The following SNRNP200 variants were observed in gnomAD, a reference collection of about 807,000 sequenced individuals.
SNRNP200 encodes small nuclear ribonucleoprotein U5 subunit 200, also known as U5 small nuclear ribonucleoprotein 200 kDa helicase.
A neutral mutation model predicts 255.2 loss-of-function variants in SNRNP200; 66 were observed. The observed-to-expected ratio is 0.26, with a 90% CI of 0.21 to 0.32. SNRNP200 has a LOEUF of 0.32. Ranked by LOEUF, SNRNP200 falls within the 10% of genes least tolerant of loss-of-function variation. The probability of loss-of-function intolerance (pLI) is 1.00; values close to 1 mark genes in which losing one functional copy is unlikely to be tolerated. For synonymous variants in SNRNP200, 939 were observed against 1,027.8 expected (o/e 0.91, Z 1.65); for missense variants, 1,585 against 2,749.8 (o/e 0.58, Z 9.47).
intron 34 of SNRNP200, 112 bp from the exon 35 acceptor site, chr2:96,282,034 G>T: frequency 2.6e-6 from 2 of 774,336 alleles, no homozygotes. Context: ...AGAACTCACA[G>T]CAAGGCTGGC....
chr2:96,296,387 G>C, intron 13 of SNRNP200, 149 bp downstream of exon 13: 1 of 804,408 alleles, frequency 1.2e-6, no homozygotes, highest in Non-Finnish European at 2.0e-6. Context: ...TTCCATCTTG[G>C]AAATGGGGAG....
chr2:96,295,424 G>T, intron 14 of SNRNP200, 64 bp downstream of exon 14: 1 of 1,595,504 alleles, frequency 6.3e-7, no homozygotes. Flanking sequence ...CATTTCGCAT[G>T]AAAACCCAGC....
Position 96,290,723 on chromosome 2 carries a change from C to G in SNRNP200, c.2514G>C (p.Lys838Asn), listed in dbSNP as rs749484510. Residue 838 changes from lysine to asparagine, a missense_variant, in exon 19 of 45, where the codon AAG becomes AAC. Lys to Asn is a moderately conservative substitution (Grantham distance 94, BLOSUM62 0). Transcript: ENST00000323853. This position sits in a 1 kb window ranked among gnomAD's most constrained non-coding sequence, Gnocchi z 4.5. Reference protein sequence around the residue: ...IKGTQVYSPEKGRWTELGALD... With the variant: ...IKGTQVYSPENGRWTELGALD... ...GTGCTCCCAGTTCTGTCCAACGCCC[C>G]TTCTCTGGACTGTACACCTGGGTGC... is the stretch of plus-strand genomic sequence containing the variant. 2.5e-6 allele frequency: 4 copies of G among 1,614,234 alleles called. No individual in the cohort carries two copies. In the East Asian group the frequency reaches 6.7e-5, roughly 27 times the overall value.
In SNRNP200 at chr2:96,286,917, G is replaced by A. The variant is rs765125051; in HGVS notation, c.3640-40C>T. On this transcript the variant is annotated intron_variant, in intron 27 of 44. Transcript: ENST00000323853. The surrounding 1 kb of genome is among the most constrained non-coding windows in gnomAD (Gnocchi z 4.8). ...AAGGGTAAAAGGAATGTGAGTCAAC[G>A]TAGACTGAGTGCCTCCAATCCATCT... 1.4e-5 allele frequency: 23 copies of A among 1,613,870 alleles called. No individual in the cohort carries two copies. Among genetic ancestry groups the A allele is most frequent in the Middle Eastern group, 1.6e-4 (1 of 6,084 alleles).
chr2:96,277,542 G>A lies in SNRNP200; in HGVS notation c.5928C>T (p.Asp1976=), dbSNP rs375605079. The A allele has an allele frequency of 1.7e-5, 28 of 1,612,440 alleles. No homozygotes were observed. In the African/African-American group the frequency reaches 2.8e-4, roughly 16 times the overall value. The change falls in exon 41 of 45, where the codon GAC becomes GAT. Residue 1976 remains aspartate (D), a synonymous_variant. Coordinates refer to ENST00000323853, the MANE Select transcript of SNRNP200 (RefSeq NM_014014.5). This position sits in a 1 kb window ranked among gnomAD's most constrained non-coding sequence, Gnocchi z 4.4. ...FTSEHIKRCT[D]KGVESVFDIM... Reference sequence around the variant, plus strand: ...CCTCTAGGCTGACCCGGCTCACCTTGTCTGTGCAACGTTTGATATGCTCAG... The same window carrying A: ...CCTCTAGGCTGACCCGGCTCACCTTATCTGTGCAACGTTTGATATGCTCAG...
At position 96,281,881 on chromosome 2, in the gene SNRNP200, C is replaced by A. The variant is rs1309805003; in HGVS notation, c.4957G>T (p.Gly1653Cys). 1.2e-6 allele frequency: 2 copies of A among 1,614,126 alleles called. No individual in the cohort carries two copies. Among genetic ancestry groups the A allele is most frequent in the Non-Finnish European group, 1.7e-6 (2 of 1,180,014 alleles). Residue 1653 changes from glycine (G) to cysteine (C), a missense_variant, in exon 35 of 45, where the codon GGC becomes TGC. Physicochemically the swap from Gly to Cys is radical, Grantham distance 159. Transcript: ENST00000323853. ...VVVASRSLCW[G>C]MNVAAHLVII... is the part of the protein sequence containing the mutation. The stretch of plus-strand genomic sequence containing the variant: ...ACCAGGTGGGCAGCCACGTTCATGC[C>A]CCAGCAGAGACTCCGAGAAGCCACC...
chr2:96,287,527 G>A lies in SNRNP200; in HGVS notation c.3396C>T (p.Phe1132=). The part of the protein sequence containing the change: ...MWQSMCPLRQ[F]RKLPEEVVKK... ...TCACTACTTCCTCAGGGAGTTTCCG[G>A]AACTGGCGCAGAGGACACATGGACT... Residue 1132 remains phenylalanine, a synonymous_variant, in exon 26 of 45, where the codon TTC becomes TTT. Transcript: ENST00000323853. The surrounding 1 kb of genome is among the most constrained non-coding windows in gnomAD (Gnocchi z 5.7). 6.2e-7 allele frequency: 1 copy of A among 1,614,170 alleles called. No individual in the cohort carries two copies. The highest frequency in any genetic ancestry group is 8.5e-7 in the Non-Finnish European group (1 of 1,179,998).
intron 43 of SNRNP200, 30 bp downstream of exon 43, chr2:96,276,874 C>T: frequency 6.2e-7 from 1 of 1,611,552 alleles, no homozygotes; most frequent in Non-Finnish European, 8.5e-7. Context: ...GGTGAGTTGA[C>T]ACCTGACCAA....
In SNRNP200 at chr2:96,304,643, C is replaced by G. The variant is rs559813052; in HGVS notation, c.209+62G>C. The G allele has an allele frequency of 2.9e-5, 46 of 1,602,126 alleles. No individual in the cohort carries two copies. In the East Asian group the frequency reaches 9.6e-4, roughly 33 times the overall value. On this transcript the variant is annotated intron_variant, in intron 2 of 44. Transcript: ENST00000323853. The stretch of plus-strand genomic sequence containing the variant: ...CAAGCATTCCAGCAAAAATGCTGCT[C>G]GAATGTTAAAGGGAAGAGACTTTGG...
At chr2:96,275,463 T>A in intron 43 of SNRNP200, 114 bp from the exon 44 acceptor site, 1 of 889,550 alleles carries the variant, frequency 1.1e-6, no homozygotes, top group African/African-American at 1.7e-5. Context: ...TTTCCAAAGT[T>A]TCTTCCCGAA....
Position 96,287,714 on chromosome 2 carries a change from C to G in SNRNP200, c.3365+149G>C. The G allele has an allele frequency of 3.3e-6, 3 of 900,878 alleles. No homozygotes were observed. The highest frequency in any genetic ancestry group is 5.6e-6 in the Non-Finnish European group (3 of 532,972). The allele number at this position is 900,878 out of a possible 1,614,324, so 55.8% of individuals were successfully genotyped here. On this transcript the variant is annotated intron_variant, in intron 25 of 44. Coordinates refer to ENST00000323853, the MANE Select transcript of SNRNP200 (RefSeq NM_014014.5). This position sits in a 1 kb window ranked among gnomAD's most constrained non-coding sequence, Gnocchi z 5.7. ...CAGCCCTGGCCTCCACCACAGAGGGCCTTCCCTCTTCTCAATGTGCACCAA... is the reference window on the plus strand; with the variant it reads ...CAGCCCTGGCCTCCACCACAGAGGGGCTTCCCTCTTCTCAATGTGCACCAA...
chr2:96,301,340 G>A (rs2063951046), intron 4 of SNRNP200, among the ~76,000 whole-genome samples, 184 bp downstream of exon 4: 1 of 152,184 alleles, frequency 6.6e-6, no homozygotes, highest in African/African-American at 2.4e-5. Context: ...GGGTCTCAGA[G>A]TAAGGAACAG....
chr2:96,276,010 A>T (rs1419714551), intron 43 of SNRNP200, among the ~76,000 whole-genome samples: 1 of 152,240 alleles, frequency 6.6e-6, no homozygotes, highest in Non-Finnish European at 1.5e-5. Context: ...CGTCTCAAAA[A>T]AAAAGAAAAA....
intron 14 of SNRNP200, among the ~76,000 whole-genome samples, chr2:96,294,947 A>C (rs1357677013): frequency 1.3e-5 from 2 of 152,226 alleles, no homozygotes; most frequent in African/African-American, 4.8e-5. Context: ...GCAGTGGCTC[A>C]CGCTTGTAAT....
chr2:96,290,011 T>A lies in SNRNP200; in HGVS notation c.2743-15A>T. ...TTCACCGCATCCTACAAGACACAGC[T>A]CATGGTTCTTAGCATGGAGAAACTC... On this transcript the variant is annotated splice_polypyrimidine_tract_variant and intron_variant, in intron 20 of 44. Transcript: ENST00000323853. The surrounding 1 kb of genome is among the most constrained non-coding windows in gnomAD (Gnocchi z 4.5). 6.2e-7 allele frequency: 1 copy of A among 1,613,354 alleles called. No individual in the cohort carries two copies. The highest frequency in any genetic ancestry group is 8.5e-7 in the Non-Finnish European group (1 of 1,179,302).
rs761290555 is a variant in SNRNP200, at chr2:96,283,550, T to C, written c.4748A>G (p.Asp1583Gly). 1.9e-6 allele frequency: 3 copies of C among 1,614,074 alleles called. No individual in the cohort carries two copies. The highest frequency in any genetic ancestry group is 2.5e-6 in the Non-Finnish European group (3 of 1,180,024). ...AIDILTTCAA[D>G]IQRQRFLHCT... ...CCCCACCTACCTCTGCCGTTGGATG[T>C]CTGCTGCACAGGTGGTGAGGATGTC... The change falls in exon 33 of 45, where the codon GAC becomes GGC. Residue 1583 changes from aspartate to glycine, a missense_variant. Coordinates refer to ENST00000323853, the MANE Select transcript of SNRNP200 (RefSeq NM_014014.5). The surrounding 1 kb of genome is among the most constrained non-coding windows in gnomAD (Gnocchi z 4.7).
chr2:96,302,280 G>A (rs2063958228), intron 3 of SNRNP200, among the ~76,000 whole-genome samples: 1 of 152,154 alleles, frequency 6.6e-6, no homozygotes, highest in South Asian at 2.1e-4. Context: ...GACACGTGCT[G>A]TTCCACACAA....
intron 43 of SNRNP200, among the ~76,000 whole-genome samples, chr2:96,275,740 C>T (rs1457410871): frequency 2.0e-5 from 3 of 152,226 alleles, no homozygotes; most frequent in African/African-American, 4.8e-5. Flanking sequence ...CGGTGGCTCA[C>T]GCCTGTAATC....
Position 96,274,899 on chromosome 2 carries a change from G to T in SNRNP200, c.*113C>A. 8.0e-7 allele frequency: 1 copy of T among 1,252,306 alleles called. No individual in the cohort carries two copies. The highest frequency in any genetic ancestry group is 1.2e-6 in the Non-Finnish European group (1 of 859,528). 77.6% of individuals were successfully genotyped at this position (1,252,306 alleles called of 1,614,324 possible). A position where few individuals can be genotyped will look rare whatever the true frequency, so the allele number is the denominator to read the frequency against. On this transcript the variant is annotated 3_prime_UTR_variant, in exon 45 of 45. Coordinates refer to ENST00000323853, the MANE Select transcript of SNRNP200 (RefSeq NM_014014.5). ...GTAGGCGGGGACAGCACCAGCCCTGGCTGGCCAGACCTGAGGCCCACAGAC... is the reference window on the plus strand; with the variant it reads ...GTAGGCGGGGACAGCACCAGCCCTGTCTGGCCAGACCTGAGGCCCACAGAC...
Sources: allele counts gnomAD v4.1 joint callset (sites outside exome capture counted in the v4.1 genomes callset), GRCh38; gene constraint gnomAD v4.1.1; non-coding constraint Gnocchi (gnomAD v3.1); transcripts MANE v1.5; gene names NCBI Gene and HGNC (gene_info 2026-07-23, HGNC 2026-07-21).